The following GRM8 variants were observed in gnomAD, a reference collection of about 807,000 sequenced individuals.
The protein encoded by GRM8 is glutamate metabotropic receptor 8, also known as metabotropic glutamate receptor 8.
Under a neutral mutation model 87.2 loss-of-function variants are expected in GRM8, and 47 were observed. The ratio of observed to expected loss-of-function variants is 0.54; its 90% CI spans 0.43 to 0.69. GRM8 has a LOEUF of 0.69. Ranked by LOEUF, GRM8 falls within the 30% of genes least tolerant of loss-of-function variation. GRM8 has a pLI of 0.00. For synonymous variants in GRM8, 396 were observed against 404.5 expected, an observed-to-expected ratio of 0.98 and a Z score of 0.25; for missense variants, 1,019 against 1,139.2, an observed-to-expected ratio of 0.89 and a Z score of 1.52.
chr7:127,119,102 C>T (rs1241644714), intron 2 of GRM8, among the ~76,000 whole-genome samples: 1 of 152,126 alleles, frequency 6.6e-6, no homozygotes. Context: ...CATAGGTCAA[C>T]AGGGGAAGGT....
rs529614428 is a variant in GRM8 at position 126,957,110 on chromosome 7, T to C, written c.728-52427A>G. 2.0e-5 allele frequency among the ~76,000 whole-genome samples: 3 copies of C among 152,182 alleles called. No individual in the cohort carries two copies. In the South Asian group the frequency reaches 6.2e-4, roughly 32 times the overall value. On this transcript the variant is annotated intron_variant, in intron 3 of 10. Coordinates refer to ENST00000339582, the MANE Select transcript of GRM8 (RefSeq NM_000845.3). ...TTAGACTACTACACTGGTACAGACA[T>C]AGATGCTGCAATGTATCTACTACAT...
At chr7:127,069,071 A>G (rs2132659554) in intron 3 of GRM8, among the ~76,000 whole-genome samples, 1 of 152,272 alleles carries the variant, frequency 6.6e-6, no homozygotes, top group Non-Finnish European at 1.5e-5. Flanking sequence ...TTTCTGTTAT[A>G]TTGAACCATT....
intron 7 of GRM8, among the ~76,000 whole-genome samples, chr7:126,765,698 G>T (rs1818124397): frequency 6.6e-6 from 1 of 151,880 alleles, no homozygotes; most frequent in African/African-American, 2.4e-5. Flanking sequence ...TAAATCTTAG[G>T]GTTTAAAAAT....
chr7:126,939,406 CT>C (rs1376790221), intron 3 of GRM8, among the ~76,000 whole-genome samples: 2 of 152,154 alleles, frequency 1.3e-5, no homozygotes, highest in Non-Finnish European at 2.9e-5. Flanking sequence ...CTCCACATAT[CT>C]TTGAGACTAG....
intron 3 of GRM8, among the ~76,000 whole-genome samples, chr7:127,046,229 A>G (rs17861394): frequency 1.1e-4 from 17 of 151,856 alleles, no homozygotes; most frequent in Non-Finnish European, 2.4e-4. Flanking sequence ...AAAATTAGCC[A>G]GGCGTGGTGG....
At chr7:127,008,429 T>C (rs1814539092) in intron 3 of GRM8, among the ~76,000 whole-genome samples, 1 of 152,076 alleles carries the variant, frequency 6.6e-6, no homozygotes. Flanking sequence ...TTAAAGTAAA[T>C]TCATGCTTAT....
chr7:126,600,883 C>G (rs1356592047), intron 8 of GRM8, among the ~76,000 whole-genome samples: 2 of 151,994 alleles, frequency 1.3e-5, no homozygotes, highest in East Asian at 3.9e-4. Context: ...GGAAAGGAAA[C>G]AGAACAAAGT....
intron 6 of GRM8, among the ~76,000 whole-genome samples, chr7:126,877,948 GTT>G (rs1799674297): frequency 6.6e-6 from 1 of 152,156 alleles, no homozygotes; most frequent in African/African-American, 2.4e-5. Context: ...AATATATGAT[GTT>G]TTTTCATATT....
chr7:126,999,804 C>G (rs1813543491), intron 3 of GRM8, among the ~76,000 whole-genome samples: 3 of 151,840 alleles, frequency 2.0e-5, no homozygotes, highest in Admixed American at 2.0e-4. Flanking sequence ...TGAATTATTA[C>G]AACTGCTATG....
chr7:126,658,801 G>A (rs1279670542), intron 7 of GRM8, among the ~76,000 whole-genome samples: 4 of 151,852 alleles, frequency 2.6e-5, no homozygotes, highest in East Asian at 1.9e-4. Context: ...TGCCGGGCCC[G>A]CCCAGCAGAC....
intron 3 of GRM8, among the ~76,000 whole-genome samples, chr7:127,083,792 G>A (rs1295343106): frequency 6.6e-6 from 1 of 152,104 alleles, no homozygotes; most frequent in African/African-American, 2.4e-5. Context: ...ATTATTGTCT[G>A]AAAGTGTTTC....
At chr7:127,248,180 T>C (rs985581672) in intron 1 of GRM8, among the ~76,000 whole-genome samples, 3 of 152,188 alleles carry the variant, frequency 2.0e-5, no homozygotes, top group African/African-American at 7.2e-5. Flanking sequence ...ATAATATGTA[T>C]CAGATAAGAA....
intron 6 of GRM8, among the ~76,000 whole-genome samples, chr7:126,785,927 C>G (rs1248310881): frequency 6.6e-6 from 1 of 152,110 alleles, no homozygotes; most frequent in Non-Finnish European, 1.5e-5. Flanking sequence ...TGATATATAA[C>G]TATGATCTCC....
At chr7:126,763,804 A>G (rs544777189) in intron 7 of GRM8, among the ~76,000 whole-genome samples, 3 of 152,010 alleles carry the variant, frequency 2.0e-5, no homozygotes, top group African/African-American at 7.2e-5. Context: ...TAGTTATTCT[A>G]CTGGAATTAT....
At position 126,949,613 on chromosome 7, in the gene GRM8, T is replaced by C. The variant is rs555425460; in HGVS notation, c.728-44930A>G. Among the ~76,000 whole-genome samples, 6 of 152,328 alleles carry C rather than the reference T, an allele frequency of 3.9e-5. No individual in the cohort carries two copies. In the East Asian group the frequency reaches 1.2e-3, roughly 29 times the overall value. On this transcript the variant is annotated intron_variant, in intron 3 of 10. Transcript: ENST00000339582. ...TTGGAGTTAAGAATGTCCCTTTAGA[T>C]GGAAACTTTGCTGAAATTTTATCCA...
intron 6 of GRM8, among the ~76,000 whole-genome samples, chr7:126,804,082 ACT>A (rs1011491561): frequency 1.2e-4 from 18 of 152,138 alleles, no homozygotes; most frequent in Admixed American, 1.1e-3. Flanking sequence ...AAAGGGATGC[ACT>A]CTCTCTTCTA....
chr7:127,024,065 T>C (rs17863182), intron 3 of GRM8, among the ~76,000 whole-genome samples: 10,602 of 152,166 alleles, frequency 0.07, 524 homozygotes, highest in South Asian at 0.12. Flanking sequence ...TAAAGTAGCT[T>C]TTTTAAAAGA....
chr7:126,520,144 A>G (rs74698025), intron 9 of GRM8, among the ~76,000 whole-genome samples: 2 of 152,244 alleles, frequency 1.3e-5, no homozygotes, highest in East Asian at 3.9e-4. Flanking sequence ...AATTTCAAAC[A>G]AACACTGTAA....
At chr7:127,107,885 T>A (rs1476810443) in intron 2 of GRM8, among the ~76,000 whole-genome samples, 2 of 152,188 alleles carry the variant, frequency 1.3e-5, no homozygotes, top group Non-Finnish European at 2.9e-5. Flanking sequence ...AACGTAAAAG[T>A]CATCCCGGGA....
Sources: gnomAD v4.1 joint callset for allele counts (sites outside exome capture counted in the v4.1 genomes callset) on GRCh38, gnomAD v4.1.1 for gene constraint, MANE v1.5 for transcripts, NCBI Gene and HGNC (gene_info 2026-07-23, HGNC 2026-07-21) for gene names.